Variants in ZNF362 observed in about 807,000 individuals in gnomAD.
ZNF362 encodes the protein zinc finger protein 362.
In ZNF362, 11 loss-of-function variants were observed where a neutral mutation model predicts 42.9. That is an observed-to-expected ratio of 0.26 (90% CI 0.16 to 0.42). The LOEUF (loss-of-function observed/expected upper bound fraction) is 0.42, where lower values mean the gene tolerates loss of function less well. Among genes scored for constraint, ZNF362 ranks in the 20% least tolerant of loss-of-function variants. The pLI is 1.00. For missense variants in ZNF362, 362 were observed against 576.2 expected (o/e 0.63, Z 3.81); for synonymous variants, 255 against 257.3 (o/e 0.99, Z 0.09).
At chr1:33,158,686 G>T in the ZNF362 span, among the ~76,000 whole-genome samples, 1 of 152,186 alleles carries the variant, frequency 6.6e-6, no homozygotes, top group Non-Finnish European at 1.5e-5. Context: ...TTAGCAATCA[G>T]TATTGATCAC....
At chr1:33,189,698 CACATATATACGT>C in the ZNF362 span, among the ~76,000 whole-genome samples, 1 of 5,168 alleles carries the variant, frequency 1.9e-4, no homozygotes, top group Non-Finnish European at 4.6e-4. Flanking sequence ...TATATATATA[CACATATATACGT>C]ATATATATAC....
chr1:33,190,550 A>ATACTAAGC, the ZNF362 span, among the ~76,000 whole-genome samples: 3 of 152,234 alleles, frequency 2.0e-5, no homozygotes, highest in Admixed American at 1.3e-4. Context: ...TACTGGAAAC[A>ATACTAAGC]TACTAAGCTA....
the ZNF362 span, among the ~76,000 whole-genome samples, chr1:33,136,596 CT>C: frequency 2.6e-5 from 4 of 151,340 alleles, no homozygotes; most frequent in African/African-American, 9.7e-5. Flanking sequence ...TCTTGAACTC[CT>C]GGCCTCAAGT....
rs1249242656 is a variant in ZNF362, at chr1:33,281,516, A to G, written c.684-71A>G. On this transcript the variant is annotated intron_variant, in intron 5 of 8. Transcript: ENST00000539719. The surrounding 1 kb of genome is among the most constrained non-coding windows in gnomAD (Gnocchi z 4.8). ...CTGTCCCAGGTGCAAGGTCTCTCTG[A>G]TGTAGAAGGCCTCCCCTGAGATGGA... is the stretch of plus-strand genomic sequence containing the variant. 1.6e-5 allele frequency: 23 copies of G among 1,477,880 alleles called. No individual in the cohort carries two copies. Among genetic ancestry groups the G allele is most frequent in the Non-Finnish European group, 2.2e-5 (23 of 1,062,974 alleles). The allele number at this position is 1,477,880 out of a possible 1,614,324, so 91.5% of individuals were successfully genotyped here.
Position 33,281,757 on chromosome 1 carries a change from G to T in ZNF362, c.854G>T (p.Cys285Phe). 6.2e-7 allele frequency: 1 copy of T among 1,614,234 alleles called. No homozygotes were observed. ...RIHLGVKPYH[C>F]SYCDKSFRQL... is the part of the protein sequence containing the mutation. ...CACCTGGGCGTCAAGCCCTACCACT[G>T]CTCCTACTGTGATAAGTCCTTCCGG... The change falls in exon 6 of 9, where the codon TGC (cysteine) becomes TTC (phenylalanine). Residue 285 changes from cysteine (C) to phenylalanine (F), a missense_variant. Cys to Phe is a radical substitution (Grantham distance 205). Coordinates refer to ENST00000539719, the MANE Select transcript of ZNF362 (RefSeq NM_152493.3). This position sits in a 1 kb window ranked among gnomAD's most constrained non-coding sequence, Gnocchi z 4.8.
chr1:33,167,398 G>A, the ZNF362 span, among the ~76,000 whole-genome samples: 1 of 152,204 alleles, frequency 6.6e-6, no homozygotes, highest in Non-Finnish European at 1.5e-5. The surrounding 1 kb of genome is among the most constrained non-coding windows in gnomAD (Gnocchi z 4.2). Flanking sequence ...AGTGATAAAT[G>A]GGTTGTGGAG....
rs776504622 is a variant in ZNF362, at chr1:33,297,511, C to CTTTTTTTTTTTTTTTTTTTTTTTTTTTT, written c.1147-1418_1147-1417insTTTTTTTTTTTTTTTTTTTTTTTTTTTT. On this transcript the variant is annotated intron_variant, in intron 8 of 8. Coordinates refer to ENST00000539719, the MANE Select transcript of ZNF362 (RefSeq NM_152493.3). ...ATGATTTGGTGTATTTACATGATTC[C>CTTTTTTTTTTTTTTTTTTTTTTTTTTTT]TCTTTTTTTTTTTTTTTTTGAGACG... Among the ~76,000 whole-genome samples, 9 of 78,906 alleles carry CTTTTTTTTTTTTTTTTTTTTTTTTTTTT rather than the reference C, an allele frequency of 1.1e-4. 4 individuals carry two copies. Among genetic ancestry groups the CTTTTTTTTTTTTTTTTTTTTTTTTTTTT allele is most frequent in the African/African-American group, 2.0e-4 (3 of 15,124 alleles). The allele number at this position is 78,906 out of a possible 152,430, so 51.8% of individuals were successfully genotyped here.
chr1:33,152,573 G>GAAAAAA, the ZNF362 span, among the ~76,000 whole-genome samples: 1 of 102,822 alleles, frequency 9.7e-6, no homozygotes, highest in African/African-American at 4.0e-5. Flanking sequence ...GTCTCAAAAA[G>GAAAAAA]AAAAAAAAAA....
chr1:33,236,551 ATAT>A, the ZNF362 span, among the ~76,000 whole-genome samples: 24 of 23,992 alleles, frequency 1.0e-3, 3 homozygotes, highest in African/African-American at 3.2e-3. Context: ...AAAAAAAAAA[ATAT>A]ATATATATAT....
intron 8 of ZNF362, among the ~76,000 whole-genome samples, chr1:33,295,775 G>A (rs1390353410): frequency 6.6e-6 from 1 of 152,148 alleles, no homozygotes; most frequent in East Asian, 1.9e-4. Context: ...TTCCCCAAAC[G>A]AGGGCCTTTT....
chr1:33,237,905 T>A, the ZNF362 span, among the ~76,000 whole-genome samples: 2 of 152,170 alleles, frequency 1.3e-5, no homozygotes, highest in African/African-American at 4.8e-5. Context: ...AATCTATGAA[T>A]CACTTCATAG....
At chr1:33,261,734 C>T (rs540391113) in intron 1 of ZNF362, 7 of 152,246 alleles carry the variant, frequency 4.6e-5, no homozygotes, top group African/African-American at 1.2e-4. Flanking sequence ...ATGCACTATT[C>T]GGAGCGAGGT....
chr1:33,212,508 T>A, the ZNF362 span, among the ~76,000 whole-genome samples: 4 of 152,128 alleles, frequency 2.6e-5, no homozygotes, highest in Non-Finnish European at 5.9e-5. Context: ...AGTGGTTTAA[T>A]TGAGTCACAG....
chr1:33,159,829 G>T, the ZNF362 span: 1 of 1,613,706 alleles, frequency 6.2e-7, no homozygotes, highest in Non-Finnish European at 8.5e-7. The surrounding 1 kb of genome is among the most constrained non-coding windows in gnomAD (Gnocchi z 4.2). Flanking sequence ...GTCGGTCAGC[G>T]TGCGGGCCGT....
rs548188364 is a variant in ZNF362 at position 33,265,233 on chromosome 1, G to A, written c.-88-5254G>A. Among the ~76,000 whole-genome samples, 10 of 151,722 alleles carry A rather than the reference G, an allele frequency of 6.6e-5. 1 individual carries two copies. In the East Asian group the frequency reaches 1.8e-3, roughly 27 times the overall value. On this transcript the variant is annotated intron_variant, in intron 1 of 8. Coordinates refer to ENST00000539719, the MANE Select transcript of ZNF362 (RefSeq NM_152493.3). ...GTGTCATGGCCCCTTCCCTAGATGA[G>A]GGCACTGAGGCTCCCAGAGAGGCTC...
At position 33,267,315 on chromosome 1, in the gene ZNF362, C is replaced by T. The variant is rs558271687; in HGVS notation, c.-88-3172C>T. Among the ~76,000 whole-genome samples the T allele has an allele frequency of 1.8e-4, 28 of 152,196 alleles. No homozygotes were observed. In the South Asian group the frequency reaches 4.6e-3, roughly 25 times the overall value. ...ACAGGGATATGAAATAAGTAAAAAC[C>T]CACCTCATCTCTGCCCCTGCTCCAA... On this transcript the variant is annotated intron_variant, in intron 1 of 8. Transcript: ENST00000539719.
rs748768621 is a variant in ZNF362, at chr1:33,276,106, C to G, written c.45C>G (p.Ala15=). The change falls in exon 3 of 9, where the codon GCC becomes GCG. Residue 15 remains alanine, a synonymous_variant. Transcript: ENST00000539719. The part of the protein sequence containing the change: ...SPSGKGHSRM[A]EPRFNNPYFW... ...AGTCGCTCTCTTCCCGCAGGATGGC[C>G]GAGCCTCGATTTAACAACCCCTACT... The G allele has an allele frequency of 1.9e-4, 308 of 1,613,892 alleles. No individual in the cohort carries two copies. The highest frequency in any genetic ancestry group is 2.4e-4 in the Non-Finnish European group (285 of 1,180,002).
At chr1:33,181,356 C>T in the ZNF362 span, 1 of 1,593,288 alleles carries the variant, frequency 6.3e-7, no homozygotes, top group Non-Finnish European at 8.5e-7. The surrounding 1 kb of genome is among the most constrained non-coding windows in gnomAD (Gnocchi z 6.5). Context: ...GTAATGCTCG[C>T]AGCCCAGGCT....
At chr1:33,292,417 C>T (rs1646085349) in intron 6 of ZNF362, among the ~76,000 whole-genome samples, 1 of 152,156 alleles carries the variant, frequency 6.6e-6, no homozygotes, top group South Asian at 2.1e-4. Context: ...AGGGATGAAG[C>T]CCACTTGATC....
Sources: gnomAD v4.1 joint callset for allele counts (sites outside exome capture counted in the v4.1 genomes callset) on GRCh38, gnomAD v4.1.1 for gene constraint, Gnocchi (gnomAD v3.1) non-coding constraint, MANE v1.5 for transcripts, NCBI Gene and HGNC (gene_info 2026-07-23, HGNC 2026-07-21) for gene names.